The following DENND4A variants were observed in gnomAD, a reference collection of about 807,000 sequenced individuals.
The protein encoded by DENND4A is DENN domain containing 4A, also known as C-myc promoter-binding protein.
In DENND4A, 70 loss-of-function variants were observed where a neutral mutation model predicts 199.3. That is an observed-to-expected ratio of 0.35 (90% confidence interval 0.29 to 0.43). The LOEUF (loss-of-function observed/expected upper bound fraction) is 0.43. Ranked by LOEUF, DENND4A falls within the 20% of genes least tolerant of loss-of-function variation. DENND4A has a pLI of 1.00. For missense variants in DENND4A, 1,723 were observed against 2,255.8 expected, an observed-to-expected ratio of 0.76 and a Z score of 4.78; for synonymous variants, 686 against 766.9, an observed-to-expected ratio of 0.89 and a Z score of 1.74.
chr15:65,748,641 A>C (rs1361994709), intron 4 of DENND4A, among the ~76,000 whole-genome samples: 2 of 150,578 alleles, frequency 1.3e-5, no homozygotes, highest in Non-Finnish European at 3.0e-5. Context: ...AAAAACAAAC[A>C]AAAAAAACAA....
intron 23 of DENND4A, among the ~76,000 whole-genome samples, chr15:65,686,230 ACT>A (rs772163092): frequency 1.6e-4 from 24 of 152,176 alleles, no homozygotes; most frequent in Non-Finnish European, 3.5e-4. Context: ...TTTACAATGT[ACT>A]TTGATTTGGA....
intron 9 of DENND4A, among the ~76,000 whole-genome samples, 168 bp from the exon 10 acceptor site, chr15:65,729,846 G>A (rs890357749): frequency 2.0e-5 from 3 of 152,156 alleles, no homozygotes; most frequent in African/African-American, 7.2e-5. Context: ...CTGCTATGAT[G>A]CAGGGAAAAC....
At chr15:65,746,369 C>CTTT (rs573935476) in intron 4 of DENND4A, among the ~76,000 whole-genome samples, 1,716 of 51,470 alleles carry the variant, frequency 0.033, 214 homozygotes, top group Non-Finnish European at 0.047. Context: ...ACTTTTTTCT[C>CTTT]TTTTTTTTTT....
chr15:65,763,080 C>T (rs766921228), intron 1 of DENND4A, among the ~76,000 whole-genome samples: 15 of 152,092 alleles, frequency 9.9e-5, no homozygotes, highest in Non-Finnish European at 2.1e-4. Context: ...ATGCCACCGA[C>T]AAAGTCTTAA....
At chr15:65,774,217 A>G (rs760715232) in intron 1 of DENND4A, among the ~76,000 whole-genome samples, 5 of 151,558 alleles carry the variant, frequency 3.3e-5, no homozygotes, top group Non-Finnish European at 7.4e-5. Flanking sequence ...TTGGCCAGGC[A>G]CGGTGGCTCA....
rs770226730 is a variant in DENND4A at position 65,690,788 on chromosome 15, C to A, written c.3806G>T (p.Ser1269Ile). ...ATCACATGCCCGTTGTAAATCAATG[C>A]TTGGTGTACGACTTGTCAAAGGACT... Reference protein sequence around the residue: ...MSSPLTSRTPSIDLQRACDDK... With the variant: ...MSSPLTSRTPIIDLQRACDDK... The change falls in exon 23 of 33, where the codon AGC (serine) becomes ATC (isoleucine). Residue 1269 changes from serine (S) to isoleucine (I), a missense_variant. Coordinates refer to ENST00000443035, the MANE Select transcript of DENND4A (RefSeq NM_001320835.1). The A allele has an allele frequency of 6.2e-7, 1 of 1,613,498 alleles. No homozygotes were observed. Among genetic ancestry groups the A allele is most frequent in the Non-Finnish European group, 8.5e-7 (1 of 1,179,752 alleles).
chr15:65,783,967 T>TA (rs1567109889), intron 1 of DENND4A, among the ~76,000 whole-genome samples: 1 of 151,862 alleles, frequency 6.6e-6, no homozygotes, highest in East Asian at 1.9e-4. Context: ...GGGAAAACAA[T>TA]ACAGTAAAGA....
At chr15:65,760,256 G>C (rs1387464715) in intron 2 of DENND4A, among the ~76,000 whole-genome samples, 1 of 152,138 alleles carries the variant, frequency 6.6e-6, no homozygotes, top group African/African-American at 2.4e-5. Context: ...CAGCACTTTG[G>C]AAGGCCAAGG....
chr15:65,722,988 T>C, intron 11 of DENND4A, 40 bp from the exon 12 acceptor site: 1 of 1,500,260 alleles, frequency 6.7e-7, no homozygotes. Context: ...TGTTACATGG[T>C]CTTTTGGAGG....
At chr15:65,780,913 A>G (rs1475164837) in intron 1 of DENND4A, among the ~76,000 whole-genome samples, 2 of 152,340 alleles carry the variant, frequency 1.3e-5, no homozygotes, top group East Asian at 3.9e-4. Flanking sequence ...AGTTCATTCC[A>G]TAAATTCTTA....
At chr15:65,726,713 T>A (rs2075811749) in intron 11 of DENND4A, among the ~76,000 whole-genome samples, 1 of 152,186 alleles carries the variant, frequency 6.6e-6, no homozygotes, top group South Asian at 2.1e-4. Context: ...CTCAGCCCTT[T>A]GGGAGGCCGA....
At position 65,707,526 on chromosome 15, in the gene DENND4A, A is replaced by G. The variant is rs567929852; in HGVS notation, c.1954-1302T>C. On this transcript the variant is annotated intron_variant, in intron 14 of 32. Transcript: ENST00000443035. ...ATTGATTATAATTTCACAGCATTAT[A>G]TGCTATACTCTCTTGGATTAAATAA... Among the ~76,000 whole-genome samples, 12 of 152,310 alleles carry G rather than the reference A, an allele frequency of 7.9e-5. No individual in the cohort carries two copies. The South Asian group carries it at 8.3e-4, about 11-fold the overall frequency.
chr15:65,723,067 CA>C, intron 11 of DENND4A, 119 bp from the exon 12 acceptor site: 1 of 775,226 alleles, frequency 1.3e-6, no homozygotes, highest in Admixed American at 3.9e-5. Flanking sequence ...AAATGAAAAA[CA>C]AAATATTTGC....
At chr15:65,737,603 C>G in intron 7 of DENND4A, 104 bp downstream of exon 7, 1 of 1,170,058 alleles carries the variant, frequency 8.5e-7, no homozygotes. Context: ...TCAAATAACT[C>G]TTGAGAAATC....
At chr15:65,717,320 C>CT (rs2075438596) in intron 13 of DENND4A, among the ~76,000 whole-genome samples, 1 of 152,126 alleles carries the variant, frequency 6.6e-6, no homozygotes, top group African/African-American at 2.4e-5. Context: ...AACTTCCCAA[C>CT]TTTTTTTACT....
chr15:65,775,969 T>C (rs575751793), intron 1 of DENND4A, among the ~76,000 whole-genome samples: 6 of 152,344 alleles, frequency 3.9e-5, no homozygotes, highest in African/African-American at 1.4e-4. Context: ...TCTATTCCAA[T>C]GGTCAACTGC....
At chr15:65,718,239 C>T (rs1290902458) in intron 12 of DENND4A, among the ~76,000 whole-genome samples, 3 of 151,986 alleles carry the variant, frequency 2.0e-5, no homozygotes, top group Non-Finnish European at 4.4e-5. Flanking sequence ...AAAAAAAAAG[C>T]TCAGGTCGGT....
rs568524273 is a variant in DENND4A, at chr15:65,785,834, C to T, written c.-102+6176G>A. ...GGACAAAATTACAGTAACTTGGGTCCATATTGGTCACTGTTCAAGAAATCT... is the reference window on the plus strand; with the variant it reads ...GGACAAAATTACAGTAACTTGGGTCTATATTGGTCACTGTTCAAGAAATCT... On this transcript the variant is annotated intron_variant, in intron 1 of 32. Coordinates refer to ENST00000443035, the MANE Select transcript of DENND4A (RefSeq NM_001320835.1). Among the ~76,000 whole-genome samples the T allele has an allele frequency of 1.3e-5, 2 of 152,172 alleles. 1 individual carries two copies. The highest frequency in any genetic ancestry group is 4.1e-4 in the South Asian group (2 of 4,826).
chr15:65,663,174 GTGTA>G (rs1303996840), intron 32 of DENND4A, among the ~76,000 whole-genome samples: 1 of 116,424 alleles, frequency 8.6e-6, no homozygotes, highest in African/African-American at 3.7e-5. Flanking sequence ...ATGTGTGTGT[GTGTA>G]TATATATATA....
Sources: gnomAD v4.1 joint callset for allele counts (sites outside exome capture counted in the v4.1 genomes callset) on GRCh38, gnomAD v4.1.1 for gene constraint, MANE v1.5 for transcripts, NCBI Gene and HGNC (gene_info 2026-07-23, HGNC 2026-07-21) for gene names.